The following NEBL variants were observed in gnomAD, a reference collection of about 807,000 sequenced individuals.
The protein encoded by NEBL is LIM and SH3 protein 2.
A neutral mutation model predicts 140.2 loss-of-function variants in NEBL; 122 were observed. That is an observed-to-expected ratio of 0.87 (90% CI 0.75 to 1.01). The LOEUF is 1.01. NEBL is among the 50% of genes least tolerant of loss of function. NEBL has a pLI of 0.00. For synonymous variants in NEBL, 436 were observed against 398.9 expected (o/e 1.09, Z -1.11); for missense variants, 1,365 against 1,231.3 (o/e 1.11, Z -1.62).
chr10:21,084,373 C>A (rs1836519936), intron 2 of NEBL, among the ~76,000 whole-genome samples: 1 of 152,140 alleles, frequency 6.6e-6, no homozygotes, highest in South Asian at 2.1e-4. Context: ...GTTTCTCTCT[C>A]GCTGCAATCA....
At chr10:20,985,571 C>A (rs1837222716) in intron 3 of NEBL, among the ~76,000 whole-genome samples, 2 of 152,108 alleles carry the variant, frequency 1.3e-5, no homozygotes, top group Non-Finnish European at 2.9e-5. Flanking sequence ...AATTAAATAT[C>A]CGACAAACCA....
rs201191118 is a variant in NEBL at position 21,182,900 on chromosome 10, AG to A, written n.349-10424del. ...TTCTCATACTAATGCTTCAAAATGC[AG>A]TACCCACTTTATATTTATAGCGCCT... On this transcript the variant is annotated intron_variant and non_coding_transcript_variant, in intron 3 of 8. Coordinates refer to the NEBL transcript ENST00000675702. Among the ~76,000 whole-genome samples the A allele has an allele frequency of 6.3e-3, 958 of 152,350 alleles. 13 individuals carry two copies. The highest frequency in any genetic ancestry group is 0.022 in the African/African-American group (908 of 41,588).
chr10:20,974,481 G>C (rs1646745828), intron 3 of NEBL, among the ~76,000 whole-genome samples: 1 of 151,894 alleles, frequency 6.6e-6, no homozygotes, highest in Admixed American at 6.6e-5. Flanking sequence ...CCTGAGGTGG[G>C]CAAGTAATCT....
At chr10:21,224,981 G>T (rs1447941299) in intron 3 of NEBL, among the ~76,000 whole-genome samples, 2 of 152,064 alleles carry the variant, frequency 1.3e-5, no homozygotes, top group East Asian at 3.9e-4. Flanking sequence ...TTCCAATTTT[G>T]CTGCCCCTTT....
At chr10:21,144,717 ACT>A (rs765767192) in intron 2 of NEBL, among the ~76,000 whole-genome samples, 4 of 151,886 alleles carry the variant, frequency 2.6e-5, no homozygotes, top group Non-Finnish European at 4.4e-5. Context: ...ACAGAGTGAG[ACT>A]CTGTCTCAAA....
At chr10:21,138,534 G>A (rs1839464068) in intron 2 of NEBL, among the ~76,000 whole-genome samples, 1 of 152,202 alleles carries the variant, frequency 6.6e-6, no homozygotes, top group African/African-American at 2.4e-5. Context: ...GTCATCGGGA[G>A]AGGTGAGGAA....
intron 2 of NEBL, among the ~76,000 whole-genome samples, chr10:21,251,045 C>T (rs1564549956): frequency 6.6e-6 from 1 of 152,096 alleles, no homozygotes; most frequent in Non-Finnish European, 1.5e-5. Context: ...TGCAATTGTT[C>T]CTCTTAAACC....
chr10:21,268,668 C>CA (rs1054258277), intron 1 of NEBL, among the ~76,000 whole-genome samples: 1 of 151,782 alleles, frequency 6.6e-6, no homozygotes, highest in Non-Finnish European at 1.5e-5. Context: ...AGATTACAGA[C>CA]ACGTGCCACC....
chr10:21,056,411 CA>C (rs35624079), intron 2 of NEBL, among the ~76,000 whole-genome samples: 59,980 of 151,808 alleles, frequency 0.4, 11,926 homozygotes, highest in Middle Eastern at 0.47. Context: ...GCTGGACCTG[CA>C]AAAAAAGATA....
At chr10:20,838,559 T>A (rs1430724023) in intron 13 of NEBL, among the ~76,000 whole-genome samples, 1 of 152,224 alleles carries the variant, frequency 6.6e-6, no homozygotes, top group Non-Finnish European at 1.5e-5. Context: ...AAAAACTTTG[T>A]CATTAAAGCA....
At chr10:20,892,713 C>T (rs183556287) in intron 2 of NEBL, among the ~76,000 whole-genome samples, 2 of 152,274 alleles carry the variant, frequency 1.3e-5, no homozygotes, top group East Asian at 1.9e-4. Flanking sequence ...AGTGCAGGGT[C>T]GCTTCCTCCT....
rs766695780 is a variant in NEBL at position 20,823,291 on chromosome 10, T to C, written c.1879A>G (p.Lys627Glu). 17 of 1,604,278 alleles carry C rather than the reference T, an allele frequency of 1.1e-5. No homozygotes were observed. The highest frequency in any genetic ancestry group is 1.4e-5 in the Non-Finnish European group (17 of 1,174,204). ...GCTGTTGCATGTTTAATCTCTTCTT[T>C]GTATTTCACCTGCATAATTTATAAG... ...NQQNISSVKY[K>E]EEIKHATAIS... The change falls in exon 19 of 28, where the codon AAA becomes GAA. Residue 627 changes from lysine to glutamate, a missense_variant. Physicochemically the swap from Lys to Glu is moderately conservative, Grantham distance 56. This residue lies in a region of NEBL where 1,323 missense variants were observed against 1,154.8 expected (regional missense o/e 1.15). Transcript: ENST00000377122.
chr10:21,100,378 G>A (rs1837422080), intron 2 of NEBL, among the ~76,000 whole-genome samples: 1 of 152,130 alleles, frequency 6.6e-6, no homozygotes, highest in East Asian at 1.9e-4. Flanking sequence ...GAGCTCACTC[G>A]CAAACTCTGC....
At chr10:21,212,383 T>G (rs1052971531) in intron 3 of NEBL, among the ~76,000 whole-genome samples, 3 of 152,122 alleles carry the variant, frequency 2.0e-5, no homozygotes, top group African/African-American at 7.2e-5. Context: ...TGGCCCCAAC[T>G]TTCCTTGCAA....
chr10:21,175,287 C>T (rs73609220), upstream of NEBL, among the ~76,000 whole-genome samples: 4,026 of 152,256 alleles, frequency 0.026, 188 homozygotes, highest in African/African-American at 0.092. Context: ...TACCGAACAG[C>T]TTCTACTCTC....
At chr10:21,200,646 A>G (rs1841720809) in intron 3 of NEBL, among the ~76,000 whole-genome samples, 1 of 152,164 alleles carries the variant, frequency 6.6e-6, no homozygotes, top group Non-Finnish European at 1.5e-5. Flanking sequence ...ACAATTCCAG[A>G]GATGTTTGCA....
chr10:21,265,159 G>A (rs1309792505), intron 1 of NEBL, among the ~76,000 whole-genome samples: 1 of 151,960 alleles, frequency 6.6e-6, no homozygotes. Flanking sequence ...CTGACCTCAG[G>A]TGATCCACCC....
chr10:21,064,034 T>C (rs930358399), intron 2 of NEBL, among the ~76,000 whole-genome samples: 1 of 152,144 alleles, frequency 6.6e-6, no homozygotes, highest in Admixed American at 6.6e-5. Flanking sequence ...ATCGCGCCAC[T>C]GTACTCCAGC....
chr10:21,192,670 C>A (rs1028825416), intron 3 of NEBL, among the ~76,000 whole-genome samples: 4 of 151,044 alleles, frequency 2.6e-5, no homozygotes, highest in African/African-American at 9.7e-5. Flanking sequence ...TATGGTGAAA[C>A]CCCATCTCTA....
Sources: allele counts gnomAD v4.1 joint callset (sites outside exome capture counted in the v4.1 genomes callset), GRCh38; gene constraint gnomAD v4.1.1; regional missense constraint gnomAD v4.1.1; transcripts MANE v1.5; gene names NCBI Gene and HGNC (gene_info 2026-07-23, HGNC 2026-07-21).